The following CCDC85C variants were observed in gnomAD, a reference collection of about 807,000 sequenced individuals.
CCDC85C encodes coiled-coil domain containing 85C, also known as coiled-coil domain-containing protein 85C.
CCDC85C carries 18 observed loss-of-function variants against 38.3 expected under a neutral mutation model. The observed-to-expected ratio is 0.47, with a 90% CI of 0.33 to 0.70. The LOEUF (loss-of-function observed/expected upper bound fraction) is 0.70. CCDC85C is among the 30% of genes least tolerant of loss of function. The pLI, the probability that CCDC85C is intolerant of heterozygous loss-of-function variation, is 0.03. For synonymous variants in CCDC85C, 264 were observed against 293.8 expected (o/e 0.90, Z 1.04); for missense variants, 566 against 621.2 (o/e 0.91, Z 0.94).
chr14:99,510,279 C>T lies in CCDC85C; in HGVS notation c.*4967G>A. 2 of 1,564,388 alleles carry T rather than the reference C, an allele frequency of 1.3e-6. No individual in the cohort carries two copies. Among genetic ancestry groups the T allele is most frequent in the Non-Finnish European group, 1.7e-6 (2 of 1,157,368 alleles). On this transcript the variant is annotated 3_prime_UTR_variant, in exon 6 of 6. Coordinates refer to ENST00000380243, the MANE Select transcript of CCDC85C (RefSeq NM_001144995.2). ...CCACCCGGCCCCTGTGCACCAGCCA[C>T]CGCCGCTGCCACACCGGCCCCCGCC...
rs1249272878 is a variant in CCDC85C at position 99,520,932 on chromosome 14, A to G, written c.975+1201T>C. 6.6e-6 allele frequency among the ~76,000 whole-genome samples: 1 copy of G among 152,100 alleles called. No individual in the cohort carries two copies. The highest frequency in any genetic ancestry group is 1.5e-5 in the Non-Finnish European group (1 of 68,022). On this transcript the variant is annotated intron_variant, in intron 3 of 5. Transcript: ENST00000380243. This position sits in a 1 kb window ranked among gnomAD's most constrained non-coding sequence, Gnocchi z 4.1. ...TGAACTCTGACAGCATTTTATCCGCACTCTCAGGCCTTGAGGCTCGGCCCA... is the reference window on the plus strand; with the variant it reads ...TGAACTCTGACAGCATTTTATCCGCGCTCTCAGGCCTTGAGGCTCGGCCCA...
At chr14:99,583,392 T>C (rs2054993645) in intron 1 of CCDC85C, among the ~76,000 whole-genome samples, 1 of 150,944 alleles carries the variant, frequency 6.6e-6, no homozygotes, top group African/African-American at 2.4e-5. Flanking sequence ...TAATCCCAGC[T>C]ACTTTGGAGG....
At chr14:99,532,782 CTTT>C (rs34038396) in intron 2 of CCDC85C, among the ~76,000 whole-genome samples, 10 of 124,396 alleles carry the variant, frequency 8.0e-5, no homozygotes, top group African/African-American at 2.5e-4. Flanking sequence ...TCTTCTTCTT[CTTT>C]TTTTTTTTTT....
chr14:99,599,487 A>C (rs987647304), intron 1 of CCDC85C, among the ~76,000 whole-genome samples: 2 of 152,194 alleles, frequency 1.3e-5, no homozygotes, highest in African/African-American at 4.8e-5. Flanking sequence ...TTCATGAAGG[A>C]GAACCTGACT....
chr14:99,527,264 T>C (rs1595342697), intron 2 of CCDC85C, among the ~76,000 whole-genome samples: 1 of 152,120 alleles, frequency 6.6e-6, no homozygotes, highest in African/African-American at 2.4e-5. Flanking sequence ...ACAGGTGTGG[T>C]TCACCTCCCA....
rs1338557858 is a variant in CCDC85C, at chr14:99,584,410, C to T, written c.793+18757G>A. Among the ~76,000 whole-genome samples, 4 of 152,218 alleles carry T rather than the reference C, an allele frequency of 2.6e-5. No homozygotes were observed. In the East Asian group the frequency reaches 7.7e-4, roughly 29 times the overall value. The stretch of plus-strand genomic sequence containing the variant: ...TAGCAGCTGGGAGGTGCTCCTGCCC[C>T]CATCCAGGCAGGGTGCTTATCCAGC... On this transcript the variant is annotated intron_variant, in intron 1 of 5. Coordinates refer to ENST00000380243, the MANE Select transcript of CCDC85C (RefSeq NM_001144995.2).
At chr14:99,518,558 T>C (rs1289309504) in intron 3 of CCDC85C, among the ~76,000 whole-genome samples, 1 of 151,298 alleles carries the variant, frequency 6.6e-6, no homozygotes, top group Non-Finnish European at 1.5e-5. Context: ...GGATTCCCCC[T>C]GGGGCAACGC....
chr14:99,550,514 C>T (rs1378348502), intron 1 of CCDC85C, among the ~76,000 whole-genome samples: 2 of 152,154 alleles, frequency 1.3e-5, no homozygotes, highest in African/African-American at 4.8e-5. Flanking sequence ...AGGGTGTAGT[C>T]ATGTGTGACA....
intron 1 of CCDC85C, among the ~76,000 whole-genome samples, chr14:99,547,315 G>A (rs534397921): frequency 6.6e-6 from 1 of 152,166 alleles, no homozygotes; most frequent in African/African-American, 2.4e-5. Flanking sequence ...TCCAGAATAG[G>A]CAGATTCATA....
rs540717894 is a variant in CCDC85C, at chr14:99,560,659, C to T, written c.794-24571G>A. ...GAGGGTGCAGAGTGGGCTGTGCTCG[C>T]TGGGCCCGGTGTACTCAATGCACGC... On this transcript the variant is annotated intron_variant, in intron 1 of 5. Coordinates refer to ENST00000380243, the MANE Select transcript of CCDC85C (RefSeq NM_001144995.2). Among the ~76,000 whole-genome samples the T allele has an allele frequency of 1.2e-3, 183 of 152,374 alleles. 1 individual carries two copies. The highest frequency in any genetic ancestry group is 4.4e-3 in the African/African-American group (181 of 41,594).
At chr14:99,591,671 GGGTGGGGA>G (rs1338002381) in intron 1 of CCDC85C, among the ~76,000 whole-genome samples, 1 of 152,158 alleles carries the variant, frequency 6.6e-6, no homozygotes, top group Non-Finnish European at 1.5e-5. Flanking sequence ...CCGGTGGGGA[GGGTGGGGA>G]GGTGGCAGGA....
In CCDC85C at chr14:99,534,071, C is replaced by G. The variant is rs1299298558; in HGVS notation, c.867+1944G>C. On this transcript the variant is annotated intron_variant, in intron 2 of 5. Transcript: ENST00000380243. ...CACATTTCTCATAGAAATAACACTG[C>G]AGGGCCGGGCGTGGTGGCTCACACC... 3.3e-5 allele frequency among the ~76,000 whole-genome samples: 5 copies of G among 152,172 alleles called. No individual in the cohort carries two copies. In the East Asian group the frequency reaches 9.6e-4, roughly 29 times the overall value.
intron 1 of CCDC85C, among the ~76,000 whole-genome samples, chr14:99,591,399 C>T (rs1440869633): frequency 6.6e-6 from 1 of 152,258 alleles, no homozygotes; most frequent in Non-Finnish European, 1.5e-5. Context: ...CGCAGGACAT[C>T]CTCCAAGAGC....
rs1897152354 is a variant in CCDC85C at position 99,512,437 on chromosome 14, A to T, written c.*2809T>A. On this transcript the variant is annotated 3_prime_UTR_variant, in exon 6 of 6. Transcript: ENST00000380243. ...ATGCATTTAGTTTTAAGAAAAAAAAAAAATCAGTAGTATGTATCTTGTTTC... is the reference window on the plus strand; with the variant it reads ...ATGCATTTAGTTTTAAGAAAAAAAATAAATCAGTAGTATGTATCTTGTTTC... 6.6e-6 allele frequency: 1 copy of T among 152,214 alleles called. No individual in the cohort carries two copies. The highest frequency in any genetic ancestry group is 1.5e-5 in the Non-Finnish European group (1 of 68,046). 9.4% of individuals were successfully genotyped at this position (152,214 alleles called of 1,614,324 possible).
At chr14:99,563,331 C>T (rs1467880875) in intron 1 of CCDC85C, among the ~76,000 whole-genome samples, 1 of 152,276 alleles carries the variant, frequency 6.6e-6, no homozygotes, top group Non-Finnish European at 1.5e-5. Context: ...CGCCAGATGG[C>T]GCGGTGCAGG....
chr14:99,515,389 C>T, intron 5 of CCDC85C, 54 bp from the exon 6 acceptor site: 2 of 1,330,064 alleles, frequency 1.5e-6, no homozygotes, highest in South Asian at 2.5e-5. Flanking sequence ...CCACCTGCCG[C>T]CTATGCACAT....
chr14:99,539,110 A>G (rs1171517781), intron 1 of CCDC85C, among the ~76,000 whole-genome samples: 1 of 152,264 alleles, frequency 6.6e-6, no homozygotes, highest in East Asian at 1.9e-4. Context: ...AAATTTCAAA[A>G]TAACAACATA....
chr14:99,516,320 G>A lies in CCDC85C; in HGVS notation c.1072-34C>T, dbSNP rs1897224347. 1 of 1,493,996 alleles carries A rather than the reference G, an allele frequency of 6.7e-7. No homozygotes were observed. The highest frequency in any genetic ancestry group is 2.0e-5 in the Admixed American group (1 of 50,858). The allele number at this position is 1,493,996 out of a possible 1,614,324, so 92.5% of individuals were successfully genotyped here. On this transcript the variant is annotated intron_variant, in intron 4 of 5. Coordinates refer to ENST00000380243, the MANE Select transcript of CCDC85C (RefSeq NM_001144995.2). This position sits in a 1 kb window ranked among gnomAD's most constrained non-coding sequence, Gnocchi z 5.5. ...AACGGGTCTCGGGGTCAGGGGCAGA[G>A]GCCACCGGCAGACCTCGGGCAAGTC...
At chr14:99,583,532 C>A (rs1385397893) in intron 1 of CCDC85C, among the ~76,000 whole-genome samples, 1 of 145,214 alleles carries the variant, frequency 6.9e-6, no homozygotes, top group Non-Finnish European at 1.5e-5. Flanking sequence ...AAATCCTGGG[C>A]ACAGTGGCTC....
Sources: gnomAD v4.1 joint callset for allele counts (sites outside exome capture counted in the v4.1 genomes callset) on GRCh38, gnomAD v4.1.1 for gene constraint, Gnocchi (gnomAD v3.1) non-coding constraint, MANE v1.5 for transcripts, NCBI Gene and HGNC (gene_info 2026-07-23, HGNC 2026-07-21) for gene names.